SAMD5: variants seen among roughly 807,000 people sequenced by gnomAD.
The protein encoded by SAMD5 is sterile alpha motif domain-containing protein 5.
In SAMD5, 13 loss-of-function variants were observed where a neutral mutation model predicts 11.3. That is an observed-to-expected ratio of 1.15 (90% CI 0.75 to 1.83). The LOEUF (loss-of-function observed/expected upper bound fraction) is 1.83. SAMD5 is among the 40% of genes most tolerant of loss of function. The pLI, the probability that SAMD5 is intolerant of heterozygous loss-of-function variation, is 0.00. For missense variants in SAMD5, 255 were observed against 239.1 expected (o/e 1.07, Z -0.44); for synonymous variants, 129 against 111.3 (o/e 1.16, Z -1.00).
At chr6:147,709,011 T>G (rs1037528920) in intron 1 of SAMD5, among the ~76,000 whole-genome samples, 1 of 152,218 alleles carries the variant, frequency 6.6e-6, no homozygotes, top group Non-Finnish European at 1.5e-5. Context: ...TCACTCATAC[T>G]CCTCTCTGAA....
chr6:147,687,463 G>A (rs907181994), intron 1 of SAMD5, among the ~76,000 whole-genome samples: 1 of 151,650 alleles, frequency 6.6e-6, no homozygotes, highest in East Asian at 1.9e-4. Flanking sequence ...TTTTTGAAGA[G>A]ATGGGATTTT....
chr6:147,781,314 C>G, the SAMD5 span, among the ~76,000 whole-genome samples: 1 of 151,684 alleles, frequency 6.6e-6, no homozygotes, highest in African/African-American at 2.4e-5. Context: ...TGCCACCATT[C>G]CTGGCTAATT....
the SAMD5 span, among the ~76,000 whole-genome samples, chr6:147,764,073 C>T: frequency 6.6e-6 from 1 of 152,160 alleles, no homozygotes; most frequent in African/African-American, 2.4e-5. Flanking sequence ...TCCCAATGGG[C>T]AAATTGCTAA....
chr6:147,588,074 C>T (rs1185857577), intron 1 of SAMD5, among the ~76,000 whole-genome samples: 1 of 151,976 alleles, frequency 6.6e-6, no homozygotes, highest in Non-Finnish European at 1.5e-5. Context: ...TAAATGAAAG[C>T]AAATAAATTA....
chr6:147,582,096 C>T (rs1024901753), intron 1 of SAMD5, among the ~76,000 whole-genome samples: 21 of 148,306 alleles, frequency 1.4e-4, no homozygotes, highest in African/African-American at 5.0e-4. Context: ...CGGTGGCTTA[C>T]ACCTGTAATC....
At chr6:147,512,470 C>G (rs1156309333) in intron 1 of SAMD5, among the ~76,000 whole-genome samples, 2 of 152,112 alleles carry the variant, frequency 1.3e-5, no homozygotes, top group African/African-American at 4.8e-5. Context: ...CCAAGAATCA[C>G]CTGAAAGGAT....
At chr6:147,670,890 T>A (rs1231547053) in intron 1 of SAMD5, among the ~76,000 whole-genome samples, 1 of 152,266 alleles carries the variant, frequency 6.6e-6, no homozygotes, top group Admixed American at 6.5e-5. Flanking sequence ...TGCCTTTGCA[T>A]TCGCATCTTT....
At chr6:147,588,050 G>T (rs1394065246) in intron 1 of SAMD5, among the ~76,000 whole-genome samples, 2 of 152,088 alleles carry the variant, frequency 1.3e-5, no homozygotes, top group African/African-American at 2.4e-5. Context: ...ATATGTGTGT[G>T]CTCCTAGGGT....
rs1330037717 is a variant in SAMD5, at chr6:147,565,145, T to A, written c.*689T>A. ...GGCTGAGGTTTAGTATTAGGACTAA[T>A]ACAAGTGTCTTGCTCTGACATGCAT... On this transcript the variant is annotated 3_prime_UTR_variant, in exon 2 of 2. Coordinates refer to ENST00000367474, the MANE Select transcript of SAMD5 (RefSeq NM_001030060.3). The A allele has an allele frequency of 1.0e-6, 1 of 985,446 alleles. No individual in the cohort carries two copies. Among genetic ancestry groups the A allele is most frequent in the East Asian group, 1.1e-4 (1 of 8,822 alleles). 61.0% of individuals were successfully genotyped at this position (985,446 alleles called of 1,614,324 possible). A position where few individuals can be genotyped will look rare whatever the true frequency, so the allele number is the denominator to read the frequency against.
At chr6:147,817,575 A>G in the SAMD5 span, among the ~76,000 whole-genome samples, 1 of 152,252 alleles carries the variant, frequency 6.6e-6, no homozygotes, top group African/African-American at 2.4e-5. Flanking sequence ...AGAAATATGG[A>G]AAGACAGACG....
rs760652686 is a variant in SAMD5, at chr6:147,711,403, C to T, written c.163-25914C>T. 1.7e-4 allele frequency among the ~76,000 whole-genome samples: 26 copies of T among 152,174 alleles called. No individual in the cohort carries two copies. The highest frequency in any genetic ancestry group is 3.1e-4 in the Non-Finnish European group (21 of 68,042). On this transcript the variant is annotated intron_variant, in intron 1 of 1. Transcript: ENST00000566741. This position sits in a 1 kb window ranked among gnomAD's most constrained non-coding sequence, Gnocchi z 4.1. ...ACAGATAAAGATGTCATATAATCAC[C>T]TGGTGTATTCACCACAGTCTTGATC...
intron 1 of SAMD5, among the ~76,000 whole-genome samples, chr6:147,582,643 C>T (rs1018815446): frequency 1.3e-5 from 2 of 152,264 alleles, no homozygotes; most frequent in Admixed American, 6.5e-5. Context: ...TAAAGTGAAG[C>T]GGAGCTTTAG....
At chr6:147,777,428 T>C in the SAMD5 span, among the ~76,000 whole-genome samples, 2 of 152,196 alleles carry the variant, frequency 1.3e-5, no homozygotes, top group Non-Finnish European at 2.9e-5. Context: ...CACGAAACTA[T>C]TTGCTTGGCC....
At chr6:147,687,137 T>A (rs1010152185) in intron 1 of SAMD5, among the ~76,000 whole-genome samples, 1 of 152,170 alleles carries the variant, frequency 6.6e-6, no homozygotes, top group Non-Finnish European at 1.5e-5. Context: ...ACACATTTTT[T>A]AAACCCTACA....
At chr6:147,724,192 A>G (rs1004309678) in intron 1 of SAMD5, among the ~76,000 whole-genome samples, 3 of 152,296 alleles carry the variant, frequency 2.0e-5, no homozygotes, top group East Asian at 3.9e-4. Context: ...CAGTGGCACA[A>G]TCTCAGCTCA....
intron 1 of SAMD5, among the ~76,000 whole-genome samples, chr6:147,680,741 AT>A (rs537708587): frequency 6.6e-6 from 1 of 151,926 alleles, no homozygotes; most frequent in Non-Finnish European, 1.5e-5. Flanking sequence ...TCTGTCAAAT[AT>A]TTTTTCTGAA....
the SAMD5 span, among the ~76,000 whole-genome samples, chr6:147,786,313 A>G: frequency 6.6e-6 from 1 of 152,208 alleles, no homozygotes; most frequent in Non-Finnish European, 1.5e-5. Context: ...ATAATCTATT[A>G]TCCTTGGAAA....
intron 1 of SAMD5, among the ~76,000 whole-genome samples, chr6:147,698,921 G>T (rs573388660): frequency 5.3e-5 from 8 of 152,306 alleles, no homozygotes; most frequent in Admixed American, 3.9e-4. Context: ...AGATGAAAAG[G>T]CTTCATGGCA....
rs1360794537 is a variant in SAMD5 at position 147,567,955 on chromosome 6, A to G, written c.*3499A>G. 3.0e-6 allele frequency: 3 copies of G among 986,094 alleles called. No homozygotes were observed. The highest frequency in any genetic ancestry group is 3.6e-6 in the Non-Finnish European group (3 of 830,460). 61.1% of individuals were successfully genotyped at this position (986,094 alleles called of 1,614,324 possible). A position where few individuals can be genotyped will look rare whatever the true frequency, so the allele number is the denominator to read the frequency against. On this transcript the variant is annotated 3_prime_UTR_variant, in exon 2 of 2. Coordinates refer to ENST00000367474, the MANE Select transcript of SAMD5 (RefSeq NM_001030060.3). ...CAAAACAAAACAAAACAGCAAATTC[A>G]TAAAGGCCAGCAGTTTTCAAGTCTG...
Sources: allele counts gnomAD v4.1 joint callset (sites outside exome capture counted in the v4.1 genomes callset), GRCh38; gene constraint gnomAD v4.1.1; non-coding constraint Gnocchi (gnomAD v3.1); transcripts MANE v1.5; gene names NCBI Gene and HGNC (gene_info 2026-07-23, HGNC 2026-07-21).